Variants in ADGRB3 observed in about 807,000 individuals in gnomAD.
ADGRB3 encodes brain-specific angiogenesis inhibitor 3.
A neutral mutation model predicts 193.4 loss-of-function variants in ADGRB3; 37 were observed. The ratio of observed to expected loss-of-function variants is 0.19; its 90% confidence interval spans 0.15 to 0.25. The LOEUF (loss-of-function observed/expected upper bound fraction) is 0.25, where lower values mean the gene tolerates loss of function less well. Ranked by LOEUF, ADGRB3 falls within the 10% of genes least tolerant of loss-of-function variation. The pLI is 1.00. For synonymous variants in ADGRB3, 690 were observed against 644.2 expected (o/e 1.07, Z -1.08); for missense variants, 1,637 against 1,852.9 (o/e 0.88, Z 2.14).
intron 3 of ADGRB3, among the ~76,000 whole-genome samples, chr6:68,659,491 T>A (rs1449798114): frequency 1.3e-5 from 2 of 151,018 alleles, no homozygotes; most frequent in Non-Finnish European, 3.0e-5. Flanking sequence ...TTCATATTTA[T>A]ATATGCGAAG....
intron 26 of ADGRB3, among the ~76,000 whole-genome samples, chr6:69,350,991 A>G (rs1769209620): frequency 6.6e-6 from 1 of 152,092 alleles, no homozygotes; most frequent in Admixed American, 6.6e-5. Context: ...CTATTCTGTG[A>G]TAAGAAATGT....
chr6:68,841,690 C>T (rs1451359977), intron 3 of ADGRB3, among the ~76,000 whole-genome samples: 1 of 151,966 alleles, frequency 6.6e-6, no homozygotes, highest in African/African-American at 2.4e-5. Flanking sequence ...GATGATGCAT[C>T]TTGAAGAACT....
At chr6:69,070,640 G>A (rs1171026411) in intron 16 of ADGRB3, among the ~76,000 whole-genome samples, 1 of 152,132 alleles carries the variant, frequency 6.6e-6, no homozygotes, top group African/African-American at 2.4e-5. Flanking sequence ...ATTATGGAGA[G>A]GCAAGAGTGC....
chr6:68,775,145 T>TAAAA lies in ADGRB3; in HGVS notation c.757+135726_757+135729dup, dbSNP rs746086066. Among the ~76,000 whole-genome samples the TAAAA allele has an allele frequency of 5.2e-5, 6 of 115,664 alleles. 2 individuals carry two copies. The highest frequency in any genetic ancestry group is 8.5e-5 in the Non-Finnish European group (5 of 59,048). The allele number at this position is 115,664 out of a possible 152,430, so 75.9% of individuals were successfully genotyped here. A position where few individuals can be genotyped will look rare whatever the true frequency, so the allele number is the denominator to read the frequency against. Reference sequence around the variant, plus strand: ...TCCATAGCTCTGACAAGCTGCTTGTTAAAAAAAAAAAAAAAAGTCTTTTAA... The same window carrying TAAAA: ...TCCATAGCTCTGACAAGCTGCTTGTTAAAAAAAAAAAAAAAAAAAAGTCTTTTAA... On this transcript the variant is annotated intron_variant, in intron 3 of 31. Coordinates refer to ENST00000370598, the MANE Select transcript of ADGRB3 (RefSeq NM_001704.3).
intron 20 of ADGRB3, among the ~76,000 whole-genome samples, chr6:69,320,825 ATGTGTG>A (rs5877204): frequency 2.7e-5 from 4 of 146,258 alleles, no homozygotes; most frequent in Non-Finnish European, 4.6e-5. Flanking sequence ...GCATGTGTGT[ATGTGTG>A]TGTGTGTGTG....
chr6:68,986,062 A>G (rs543865735), intron 10 of ADGRB3, among the ~76,000 whole-genome samples: 100 of 152,250 alleles, frequency 6.6e-4, no homozygotes, highest in African/African-American at 2.3e-3. Flanking sequence ...GTTTTGTCAA[A>G]TTCTAGCCAA....
At chr6:68,878,935 G>A (rs1230942354) in intron 3 of ADGRB3, among the ~76,000 whole-genome samples, 2 of 152,082 alleles carry the variant, frequency 1.3e-5, no homozygotes, top group African/African-American at 2.4e-5. Flanking sequence ...TATCTCGTGA[G>A]ACTTACTCAC....
chr6:68,806,317 G>A (rs1767400922), intron 3 of ADGRB3, among the ~76,000 whole-genome samples: 1 of 151,898 alleles, frequency 6.6e-6, no homozygotes, highest in Admixed American at 6.6e-5. Context: ...TTACAATTTT[G>A]TATTCTGTGT....
At chr6:69,168,392 A>C (rs1020643546) in intron 17 of ADGRB3, among the ~76,000 whole-genome samples, 9 of 152,204 alleles carry the variant, frequency 5.9e-5, no homozygotes, top group Non-Finnish European at 1.3e-4. Context: ...AATAAAGTTA[A>C]TTAACTAGTT....
Position 69,063,155 on chromosome 6 carries a change from T to C in ADGRB3, c.2436+119T>C, listed in dbSNP as rs548809522. On this transcript the variant is annotated intron_variant, in intron 16 of 31. Transcript: ENST00000370598. The stretch of plus-strand genomic sequence containing the variant: ...CTTTTATAGTTGCAAATATATTAAC[T>C]TGTTATGAGTATGTGTATTATAAAG... The C allele has an allele frequency of 2.7e-5, 18 of 660,788 alleles. No homozygotes were observed. In the Admixed American group the frequency reaches 4.1e-4, roughly 15 times the overall value. 40.9% of individuals were successfully genotyped at this position (660,788 alleles called of 1,614,324 possible). A position where few individuals can be genotyped will look rare whatever the true frequency, so the allele number is the denominator to read the frequency against.
In ADGRB3 at chr6:68,852,436, T is replaced by A. The variant is rs535250855; in HGVS notation, c.758-78123T>A. ...TCTAACAAAAATGCTCAAATTATTTTATATGATTAGTACAAAACTGTATTA... is the reference window on the plus strand; with the variant it reads ...TCTAACAAAAATGCTCAAATTATTTAATATGATTAGTACAAAACTGTATTA... On this transcript the variant is annotated intron_variant, in intron 3 of 31. Coordinates refer to ENST00000370598, the MANE Select transcript of ADGRB3 (RefSeq NM_001704.3). 5.3e-4 allele frequency among the ~76,000 whole-genome samples: 80 copies of A among 152,112 alleles called. No homozygotes were observed. The Middle Eastern group carries it at 0.014, about 26-fold the overall frequency.
intron 4 of ADGRB3, among the ~76,000 whole-genome samples, chr6:68,934,641 C>T (rs188260284): frequency 6.6e-6 from 1 of 152,074 alleles, no homozygotes; most frequent in Admixed American, 6.6e-5. Context: ...TTCAGAACAT[C>T]ATTTTAAAAA....
At chr6:69,266,226 T>C (rs1767036838) in intron 20 of ADGRB3, among the ~76,000 whole-genome samples, 1 of 152,030 alleles carries the variant, frequency 6.6e-6, no homozygotes, top group Non-Finnish European at 1.5e-5. Flanking sequence ...TATTTGTATA[T>C]GTATCGTCAA....
At chr6:69,015,244 A>G (rs950337655) in intron 12 of ADGRB3, among the ~76,000 whole-genome samples, 2 of 151,994 alleles carry the variant, frequency 1.3e-5, no homozygotes, top group East Asian at 1.9e-4. Flanking sequence ...TATCTAAAAC[A>G]AGACTGCAAT....
intron 10 of ADGRB3, among the ~76,000 whole-genome samples, chr6:68,976,451 G>A (rs1445123317): frequency 6.6e-6 from 1 of 151,798 alleles, no homozygotes; most frequent in African/African-American, 2.4e-5. Flanking sequence ...GAATAATGTG[G>A]CCGTTAGGGG....
intron 3 of ADGRB3, among the ~76,000 whole-genome samples, chr6:68,897,355 G>A (rs557165643): frequency 9.1e-5 from 13 of 143,120 alleles, no homozygotes; most frequent in African/African-American, 3.3e-4. Context: ...AGGTTATTTC[G>A]TCTTAAAAGA....
chr6:68,884,277 G>C (rs539031581), intron 3 of ADGRB3, among the ~76,000 whole-genome samples: 132 of 152,298 alleles, frequency 8.7e-4, no homozygotes, highest in African/African-American at 3.0e-3. Flanking sequence ...AGAGTGAAGA[G>C]CTCCTTTGCT....
At chr6:69,332,843 A>T (rs1768758261) in intron 23 of ADGRB3, 80 bp from the exon 24 acceptor site, 11 of 1,566,004 alleles carry the variant, frequency 7.0e-6, no homozygotes, top group Non-Finnish European at 9.5e-6. Flanking sequence ...ATGAATTGAT[A>T]AAAATAGGAT....
At chr6:69,362,217 C>G (rs913430035) in intron 29 of ADGRB3, among the ~76,000 whole-genome samples, 1 of 151,908 alleles carries the variant, frequency 6.6e-6, no homozygotes, top group Non-Finnish European at 1.5e-5. Flanking sequence ...AGAGTAAACT[C>G]GTCACTGCTT....
Sources: gnomAD v4.1 joint callset for allele counts (sites outside exome capture counted in the v4.1 genomes callset) on GRCh38, gnomAD v4.1.1 for gene constraint, MANE v1.5 for transcripts, NCBI Gene and HGNC (gene_info 2026-07-23, HGNC 2026-07-21) for gene names.